Variants in TTC28 observed in about 807,000 individuals in gnomAD.
TTC28 encodes tetratricopeptide repeat protein 28.
TTC28 carries 61 observed loss-of-function variants against 198.0 expected under a neutral mutation model. That is an observed-to-expected ratio of 0.31 (90% CI 0.25 to 0.38). The LOEUF (loss-of-function observed/expected upper bound fraction) is 0.38, where lower values mean the gene tolerates loss of function less well. Among genes scored for constraint, TTC28 ranks in the 10% least tolerant of loss-of-function variants. TTC28 has a pLI of 1.00. For missense variants in TTC28, 2,678 were observed against 3,164.0 expected (o/e 0.85, Z 3.69); for synonymous variants, 1,171 against 1,297.8 (o/e 0.90, Z 2.10).
intron 2 of TTC28, among the ~76,000 whole-genome samples, chr22:28,434,206 G>A (rs973103044): frequency 2.0e-5 from 3 of 152,158 alleles, no homozygotes; most frequent in African/African-American, 7.2e-5. Context: ...GGATCATTTA[G>A]TATAGAAATA....
intron 2 of TTC28, among the ~76,000 whole-genome samples, chr22:28,454,589 A>T (rs2047830467): frequency 6.6e-6 from 1 of 152,232 alleles, no homozygotes; most frequent in African/African-American, 2.4e-5. Context: ...GTAAGCAGTA[A>T]TTATTCTGGA....
chr22:28,053,904 C>A (rs531212434), intron 12 of TTC28, among the ~76,000 whole-genome samples: 1 of 152,232 alleles, frequency 6.6e-6, no homozygotes, highest in Non-Finnish European at 1.5e-5. Flanking sequence ...CTGTTCCTGG[C>A]CACTTTTGCT....
At chr22:28,246,934 AG>A (rs951597403) in intron 5 of TTC28, among the ~76,000 whole-genome samples, 10 of 152,186 alleles carry the variant, frequency 6.6e-5, no homozygotes, top group African/African-American at 2.4e-4. Flanking sequence ...ACACCTGGTT[AG>A]GAAAAAAAAA....
intron 6 of TTC28, among the ~76,000 whole-genome samples, chr22:28,115,155 CT>C (rs565113285): frequency 6.6e-6 from 1 of 151,972 alleles, no homozygotes; most frequent in Admixed American, 6.6e-5. Context: ...ATGCTCCATG[CT>C]TTTTTTATTT....
chr22:28,332,598 T>A (rs2045634337), intron 2 of TTC28, among the ~76,000 whole-genome samples: 2 of 152,130 alleles, frequency 1.3e-5, no homozygotes, highest in African/African-American at 4.8e-5. Context: ...TGTACACACA[T>A]GGTGAAACAA....
At chr22:28,660,088 C>T (rs1367666641) in intron 1 of TTC28, among the ~76,000 whole-genome samples, 2 of 152,164 alleles carry the variant, frequency 1.3e-5, no homozygotes, top group African/African-American at 4.8e-5. Context: ...AGCCACCACA[C>T]ACAGCCTGAA....
At chr22:28,466,885 C>T (rs1184563860) in intron 2 of TTC28, among the ~76,000 whole-genome samples, 1 of 150,556 alleles carries the variant, frequency 6.6e-6, no homozygotes. Context: ...TGTGACCTTG[C>T]TAAGTAATAC....
chr22:28,640,313 G>C (rs948904869), intron 1 of TTC28, among the ~76,000 whole-genome samples: 8 of 71,114 alleles, frequency 1.1e-4, no homozygotes, highest in East Asian at 3.2e-4. Flanking sequence ...AAAAAGTAAA[G>C]GGGGGGGGGG....
intron 2 of TTC28, among the ~76,000 whole-genome samples, chr22:28,380,020 G>C (rs2046470997): frequency 7.0e-6 from 1 of 142,982 alleles, no homozygotes; most frequent in South Asian, 2.1e-4. Context: ...CAATAATACT[G>C]TATCTGTGTT....
chr22:28,608,250 C>T (rs1246700041), intron 2 of TTC28, among the ~76,000 whole-genome samples: 1 of 152,152 alleles, frequency 6.6e-6, no homozygotes, highest in East Asian at 1.9e-4. Flanking sequence ...GTATGAAAAC[C>T]AAAAGCTTAG....
intron 1 of TTC28, among the ~76,000 whole-genome samples, chr22:28,654,460 C>T (rs950042764): frequency 3.9e-5 from 6 of 152,030 alleles, no homozygotes; most frequent in Non-Finnish European, 7.4e-5. Context: ...CCCAAGTATC[C>T]GGGATTACAG....
chr22:28,470,117 T>C (rs967095607), intron 2 of TTC28, among the ~76,000 whole-genome samples: 2 of 152,142 alleles, frequency 1.3e-5, no homozygotes, highest in African/African-American at 4.8e-5. Context: ...AGCACTGGGA[T>C]TACAGGCATA....
intron 3 of TTC28, among the ~76,000 whole-genome samples, chr22:28,301,088 G>A (rs967949390): frequency 7.2e-5 from 11 of 152,030 alleles, no homozygotes; most frequent in Non-Finnish European, 1.5e-4. Context: ...AAATTTCTCC[G>A]CTTGGGTTGT....
Position 27,993,538 on chromosome 22 carries a change from G to A in TTC28, c.5245-20C>T, listed in dbSNP as rs952083671. ...CTCCACCTGAGGGGGAATTGGGGGT[G>A]AGTCAGAGACCCAGGCCAGCCCTGG... On this transcript the variant is annotated intron_variant, in intron 17 of 22. Transcript: ENST00000397906. 3.3e-6 allele frequency: 5 copies of A among 1,529,012 alleles called. No homozygotes were observed. In the Admixed American group the frequency reaches 1.0e-4, roughly 30 times the overall value. 94.7% of individuals were successfully genotyped at this position (1,529,012 alleles called of 1,614,324 possible).
At chr22:28,440,145 C>G (rs1258767559) in intron 2 of TTC28, among the ~76,000 whole-genome samples, 1 of 152,140 alleles carries the variant, frequency 6.6e-6, no homozygotes, top group Non-Finnish European at 1.5e-5. Flanking sequence ...CAGCTGTACA[C>G]ATTTAATTTA....
chr22:28,492,310 G>A (rs2048391570), intron 2 of TTC28, among the ~76,000 whole-genome samples: 1 of 152,042 alleles, frequency 6.6e-6, no homozygotes, highest in Non-Finnish European at 1.5e-5. Context: ...AAAAAAAAGA[G>A]AAAGAAAATA....
intron 2 of TTC28, among the ~76,000 whole-genome samples, chr22:28,524,801 A>G (rs1357843285): frequency 6.6e-6 from 1 of 152,192 alleles, no homozygotes; most frequent in Non-Finnish European, 1.5e-5. Context: ...GCACTCTCAT[A>G]TGTTGGTGAT....
intron 2 of TTC28, among the ~76,000 whole-genome samples, chr22:28,449,510 G>T (rs6519751): frequency 0.19 from 28,164 of 152,114 alleles, 3,046 homozygotes; most frequent in African/African-American, 0.29. Flanking sequence ...TTATGCCCAT[G>T]TTATAGGAGA....
At chr22:28,548,890 T>A (rs1386308523) in intron 2 of TTC28, among the ~76,000 whole-genome samples, 1 of 152,196 alleles carries the variant, frequency 6.6e-6, no homozygotes, top group East Asian at 1.9e-4. Flanking sequence ...CTTGTTCAAG[T>A]CCCACATTCT....
Sources: gnomAD v4.1 joint callset for allele counts (sites outside exome capture counted in the v4.1 genomes callset) on GRCh38, gnomAD v4.1.1 for gene constraint, MANE v1.5 for transcripts, NCBI Gene and HGNC (gene_info 2026-07-23, HGNC 2026-07-21) for gene names.